The following DLC1 variants were observed in gnomAD, a reference collection of about 807,000 sequenced individuals.
The protein encoded by DLC1 is rho GTPase-activating protein 7.
In DLC1, 54 loss-of-function variants were observed where a neutral mutation model predicts 140.3. The ratio of observed to expected loss-of-function variants is 0.38; its 90% CI spans 0.31 to 0.48. The LOEUF (loss-of-function observed/expected upper bound fraction) is 0.48, where lower values mean the gene tolerates loss of function less well. Ranked by LOEUF, DLC1 falls within the 20% of genes least tolerant of loss-of-function variation. The probability of loss-of-function intolerance (pLI) is 0.96; values close to 1 mark genes in which losing one functional copy is unlikely to be tolerated. For synonymous variants in DLC1, 986 were observed against 728.1 expected, an observed-to-expected ratio of 1.35 and a Z score of -5.70; for missense variants, 2,536 against 1,907.0, an observed-to-expected ratio of 1.33 and a Z score of -6.14.
At chr8:13,343,609 A>T (rs1834176881) in intron 4 of DLC1, among the ~76,000 whole-genome samples, 1 of 152,188 alleles carries the variant, frequency 6.6e-6, no homozygotes, top group Non-Finnish European at 1.5e-5. Flanking sequence ...TTTTGTCCAT[A>T]AGAAAAAGAG....
At position 13,269,516 on chromosome 8, in the gene DLC1, GACC is replaced by G. The variant is rs1334468941; in HGVS notation, c.1348+35750_1348+35752del. Among the ~76,000 whole-genome samples the G allele has an allele frequency of 2.0e-5, 3 of 151,792 alleles. No homozygotes were observed. The East Asian group carries it at 5.9e-4, about 30-fold the overall frequency. ...GGATCACTTGAGGACAGCAGTTTGA[GACC>G]ACCCTGGGTGACAGAGCAAGACCCT... On this transcript the variant is annotated intron_variant, in intron 5 of 17. Coordinates refer to ENST00000276297, the MANE Select transcript of DLC1 (RefSeq NM_182643.3).
rs147615886 is a variant in DLC1, at chr8:13,189,345, G to A, written c.1349-73688C>T. ...AATAAATTGCGTGCTGGGTGCTGTG[G>A]CTCACACCTGTAATCCCAGCACTTT... On this transcript the variant is annotated intron_variant, in intron 5 of 17. Coordinates refer to ENST00000276297, the MANE Select transcript of DLC1 (RefSeq NM_182643.3). Among the ~76,000 whole-genome samples the A allele has an allele frequency of 9.1e-3, 1,392 of 152,188 alleles. 25 individuals carry two copies. The highest frequency in any genetic ancestry group is 0.031 in the African/African-American group (1,303 of 41,526).
At chr8:13,102,720 C>T (rs1484048703) in intron 8 of DLC1, 70 bp downstream of exon 8, 1 of 1,376,876 alleles carries the variant, frequency 7.3e-7, no homozygotes, top group East Asian at 2.3e-5. Flanking sequence ...AAACCTATTA[C>T]AAAACACATC....
At chr8:13,356,868 T>G (rs958701740) in intron 4 of DLC1, among the ~76,000 whole-genome samples, 5 of 151,644 alleles carry the variant, frequency 3.3e-5, no homozygotes, top group African/African-American at 1.2e-4. Flanking sequence ...TTATTATTTA[T>G]TTATTTATTA....
chr8:13,377,967 A>G (rs1234358736), intron 4 of DLC1, among the ~76,000 whole-genome samples: 3 of 151,344 alleles, frequency 2.0e-5, no homozygotes, highest in East Asian at 2.0e-4. Context: ...TTATCAAAGA[A>G]TAAAAATATG....
chr8:13,439,238 C>T (rs1192889721), intron 2 of DLC1, among the ~76,000 whole-genome samples: 3 of 152,092 alleles, frequency 2.0e-5, no homozygotes, highest in Non-Finnish European at 4.4e-5. Flanking sequence ...GCAGGAGAAT[C>T]GCTTGAACCC....
chr8:13,478,107 G>A (rs916601569), intron 2 of DLC1, among the ~76,000 whole-genome samples: 3 of 152,166 alleles, frequency 2.0e-5, no homozygotes, highest in African/African-American at 7.2e-5. Flanking sequence ...TTATAAAGAA[G>A]AGAGGTTTAA....
intron 1 of DLC1, among the ~76,000 whole-genome samples, chr8:13,602,356 A>G (rs1805917267): frequency 2.0e-5 from 3 of 151,964 alleles, no homozygotes; most frequent in East Asian, 1.9e-4. Context: ...CACATAGGAA[A>G]CTGTAAGATG....
In DLC1 at chr8:13,601,790, A is replaced by C. The variant is rs7013079; in HGVS notation, c.-126+2747T>G. On this transcript the variant is annotated intron_variant, in intron 1 of 1. Coordinates refer to the DLC1 transcript ENST00000631382. Reference sequence around the variant, plus strand: ...ATAATTTCAAATTCTAGAAAATGCAATCATATATAACAACAACAACAACAG... The same window carrying C: ...ATAATTTCAAATTCTAGAAAATGCACTCATATATAACAACAACAACAACAG... Among the ~76,000 whole-genome samples, 3 of 151,828 alleles carry C rather than the reference A, an allele frequency of 2.0e-5. No homozygotes were observed. In the South Asian group the frequency reaches 6.2e-4, roughly 31 times the overall value.
intron 1 of DLC1, among the ~76,000 whole-genome samples, chr8:13,539,859 G>GA (rs1481208692): frequency 6.6e-6 from 1 of 152,012 alleles, no homozygotes; most frequent in Non-Finnish European, 1.5e-5. Context: ...GTGTAGGACA[G>GA]AAGAAACACT....
At chr8:13,537,370 T>C (rs955247362) in intron 1 of DLC1, among the ~76,000 whole-genome samples, 10 of 152,220 alleles carry the variant, frequency 6.6e-5, no homozygotes, top group African/African-American at 2.4e-4. Context: ...AGCGTATGAC[T>C]CTCACTGAGT....
chr8:13,317,862 G>A (rs763418458), intron 4 of DLC1, among the ~76,000 whole-genome samples: 2 of 152,170 alleles, frequency 1.3e-5, no homozygotes, highest in Non-Finnish European at 2.9e-5. Flanking sequence ...AAAGTGGCCA[G>A]TATTTTGTGA....
At chr8:13,573,665 T>G (rs985809012) in intron 1 of DLC1, among the ~76,000 whole-genome samples, 1 of 152,148 alleles carries the variant, frequency 6.6e-6, no homozygotes, top group Non-Finnish European at 1.5e-5. Context: ...ATAAAAGTGT[T>G]TCGTATTTTG....
intron 5 of DLC1, among the ~76,000 whole-genome samples, chr8:13,257,131 T>G (rs1427951901): frequency 6.6e-6 from 1 of 152,128 alleles, no homozygotes; most frequent in African/African-American, 2.4e-5. Flanking sequence ...CACAAATAGT[T>G]GTCCATGGTG....
intron 2 of DLC1, among the ~76,000 whole-genome samples, chr8:13,445,497 C>G (rs1443659930): frequency 1.3e-5 from 2 of 152,146 alleles, no homozygotes; most frequent in Non-Finnish European, 2.9e-5. Context: ...ACCCTCAACT[C>G]AAAGGTATAT....
intron 4 of DLC1, among the ~76,000 whole-genome samples, chr8:13,391,384 A>G (rs868473276): frequency 6.6e-6 from 1 of 152,164 alleles, no homozygotes; most frequent in Non-Finnish European, 1.5e-5. Flanking sequence ...CTCGCATCCA[A>G]TTTGCTTCCA....
chr8:13,398,641 G>A (rs975344539), intron 3 of DLC1, among the ~76,000 whole-genome samples: 2 of 150,432 alleles, frequency 1.3e-5, no homozygotes, highest in African/African-American at 2.4e-5. Context: ...CAGCCATGGC[G>A]ATGCATGCCT....
intron 5 of DLC1, among the ~76,000 whole-genome samples, chr8:13,152,414 A>G (rs1453406256): frequency 1.3e-4 from 20 of 152,198 alleles, no homozygotes; most frequent in East Asian, 3.8e-4. Context: ...AATAATGTCA[A>G]TGGTATCTCA....
intron 5 of DLC1, among the ~76,000 whole-genome samples, chr8:13,146,753 G>C (rs748094963): frequency 6.6e-6 from 1 of 152,088 alleles, no homozygotes; most frequent in African/African-American, 2.4e-5. Context: ...AAGAGTTATG[G>C]CAAGGTTTAT....
Sources: gnomAD v4.1 joint callset for allele counts (sites outside exome capture counted in the v4.1 genomes callset) on GRCh38, gnomAD v4.1.1 for gene constraint, MANE v1.5 for transcripts, NCBI Gene and HGNC (gene_info 2026-07-23, HGNC 2026-07-21) for gene names.